SYT2: variants seen among roughly 807,000 people sequenced by gnomAD.
The protein encoded by SYT2 is synaptotagmin-2.
A neutral mutation model predicts 39.9 loss-of-function variants in SYT2; 15 were observed. The observed-to-expected ratio is 0.38, with a 90% CI of 0.25 to 0.58. SYT2 has a LOEUF of 0.58. SYT2 is among the 20% of genes least tolerant of loss of function. The probability of loss-of-function intolerance (pLI) is 0.70; values close to 1 mark genes in which losing one functional copy is unlikely to be tolerated. For missense variants in SYT2, 389 were observed against 530.3 expected, an observed-to-expected ratio of 0.73 and a Z score of 2.62; for synonymous variants, 181 against 204.5, an observed-to-expected ratio of 0.89 and a Z score of 0.98.
intron 1 of SYT2, among the ~76,000 whole-genome samples, chr1:202,679,792 A>G (rs954105327): frequency 8.5e-5 from 13 of 152,150 alleles, no homozygotes; most frequent in African/African-American, 3.1e-4. Context: ...CCAGCATTCA[A>G]GGCCCTTCAT....
intron 8 of SYT2, among the ~76,000 whole-genome samples, chr1:202,598,902 C>A (rs913918310): frequency 3.3e-5 from 5 of 152,210 alleles, no homozygotes; most frequent in Admixed American, 1.3e-4. Flanking sequence ...CACTCCCACC[C>A]TCTCAGCCAG....
intron 1 of SYT2, among the ~76,000 whole-genome samples, chr1:202,668,203 A>G (rs1402575529): frequency 6.6e-6 from 1 of 152,204 alleles, no homozygotes; most frequent in Non-Finnish European, 1.5e-5. Flanking sequence ...ACGTGGAGAC[A>G]TGGGCTCACA....
At position 202,635,719 on chromosome 1, in the gene SYT2, C is replaced by A. The variant is rs192488869; in HGVS notation, c.-17-29930G>T. Among the ~76,000 whole-genome samples, 12 of 152,302 alleles carry A rather than the reference C, an allele frequency of 7.9e-5. No homozygotes were observed. The East Asian group carries it at 2.3e-3, about 29-fold the overall frequency. ...GAAGTCTGTAGGACAGTGGGCATCA[C>A]TTGGTTGCTTGCTTGGGTATACACA... On this transcript the variant is annotated intron_variant, in intron 1 of 8. Transcript: ENST00000367268.
chr1:202,597,508 T>G (rs1391237696), intron 8 of SYT2, among the ~76,000 whole-genome samples: 13 of 152,056 alleles, frequency 8.5e-5, no homozygotes, highest in Non-Finnish European at 1.8e-4. Flanking sequence ...GAGAGTGCAT[T>G]TGGCATCTGA....
chr1:202,604,799 C>T (rs1453165222), intron 2 of SYT2, among the ~76,000 whole-genome samples, 178 bp from the exon 3 acceptor site: 1 of 145,654 alleles, frequency 6.9e-6, no homozygotes, highest in Non-Finnish European at 1.5e-5. Context: ...ACTTTGCATG[C>T]CTTTTCAATC....
chr1:202,709,407 G>A (rs1654335865), intron 1 of SYT2, among the ~76,000 whole-genome samples: 1 of 152,246 alleles, frequency 6.6e-6, no homozygotes, highest in Non-Finnish European at 1.5e-5. Context: ...AGTGGGATGT[G>A]AAACGATAAA....
At chr1:202,672,644 G>C (rs1458536593) in intron 1 of SYT2, among the ~76,000 whole-genome samples, 2 of 146,490 alleles carry the variant, frequency 1.4e-5, no homozygotes. Context: ...TAATGAACTG[G>C]AAAGCAGATC....
intron 1 of SYT2, among the ~76,000 whole-genome samples, chr1:202,654,801 A>G (rs1407073708): frequency 6.6e-6 from 1 of 152,200 alleles, no homozygotes; most frequent in Non-Finnish European, 1.5e-5. Context: ...CTGGGCCAAA[A>G]TTAACTAGGC....
At position 202,596,874 on chromosome 1, in the gene SYT2, C is replaced by T. The variant is rs763683640; in HGVS notation, c.1143G>A (p.Thr381=). The T allele has an allele frequency of 8.7e-6, 14 of 1,614,102 alleles. No individual in the cohort carries two copies. The highest frequency in any genetic ancestry group is 2.2e-5 in the East Asian group (1 of 44,894). The change falls in exon 9 of 9, where the codon ACG becomes ACA. Residue 381 remains threonine (T), a synonymous_variant. Coordinates refer to ENST00000367268, the MANE Select transcript of SYT2 (RefSeq NM_177402.5). Reference sequence around the variant, plus strand: ...CGGACCAGTGCCGCAGCTCTGTGCCCGTGGCATTGCTGCCCACGAAGATCT... The same window carrying T: ...CGGACCAGTGCCGCAGCTCTGTGCCTGTGGCATTGCTGCCCACGAAGATCT... ...IGKIFVGSNA[T]GTELRHWSDM... is the part of the protein sequence containing the mutation.
At chr1:202,651,357 G>A (rs1045739265) in intron 1 of SYT2, among the ~76,000 whole-genome samples, 2 of 152,068 alleles carry the variant, frequency 1.3e-5, no homozygotes, top group Non-Finnish European at 2.9e-5. Context: ...AGGACGCACA[G>A]GGGTGGGTGG....
chr1:202,622,423 CTG>C (rs1418728460), intron 1 of SYT2, among the ~76,000 whole-genome samples: 1 of 152,216 alleles, frequency 6.6e-6, no homozygotes, highest in Non-Finnish European at 1.5e-5. Flanking sequence ...GAAGCAGAGT[CTG>C]TTCTTGACTG....
chr1:202,689,575 G>A (rs915160564), intron 1 of SYT2, among the ~76,000 whole-genome samples: 5 of 152,114 alleles, frequency 3.3e-5, no homozygotes, highest in African/African-American at 1.2e-4. Flanking sequence ...CCTCAGGCAA[G>A]TCATTTAATC....
intron 1 of SYT2, among the ~76,000 whole-genome samples, chr1:202,612,096 C>T (rs554858193): frequency 6.6e-6 from 1 of 152,170 alleles, no homozygotes; most frequent in Non-Finnish European, 1.5e-5. Context: ...AAGGGGTTCA[C>T]ATTCATTCGT....
In SYT2 at chr1:202,637,276, C is replaced by T. The variant is rs553397373; in HGVS notation, c.-17-31487G>A. Among the ~76,000 whole-genome samples, 29 of 150,314 alleles carry T rather than the reference C, an allele frequency of 1.9e-4. No individual in the cohort carries two copies. The South Asian group carries it at 5.1e-3, about 27-fold the overall frequency. Reference sequence around the variant, plus strand: ...TGAGGTGGGAGGATCACCTGAGCCTCGGGAAGTTGAGGCTGCAGTGAGCCG... The same window carrying T: ...TGAGGTGGGAGGATCACCTGAGCCTTGGGAAGTTGAGGCTGCAGTGAGCCG... On this transcript the variant is annotated intron_variant, in intron 1 of 8. Coordinates refer to ENST00000367268, the MANE Select transcript of SYT2 (RefSeq NM_177402.5).
chr1:202,675,332 G>A (rs1653338453), intron 1 of SYT2, among the ~76,000 whole-genome samples: 1 of 150,728 alleles, frequency 6.6e-6, no homozygotes, highest in Non-Finnish European at 1.5e-5. Context: ...TTACAGTCTT[G>A]TGGGAGAGAC....
At chr1:202,615,120 G>C (rs2149079033) in intron 1 of SYT2, among the ~76,000 whole-genome samples, 1 of 152,290 alleles carries the variant, frequency 6.6e-6, no homozygotes, top group African/African-American at 2.4e-5. Flanking sequence ...GGCATTCCCG[G>C]GGAATCCACC....
At chr1:202,651,257 G>C (rs1258875354) in intron 1 of SYT2, among the ~76,000 whole-genome samples, 2 of 152,114 alleles carry the variant, frequency 1.3e-5, no homozygotes, top group Non-Finnish European at 2.9e-5. Context: ...GCTAATTGGG[G>C]GTCGGGGTGA....
At chr1:202,650,470 C>G (rs10920439) in intron 1 of SYT2, among the ~76,000 whole-genome samples, 52,833 of 147,532 alleles carry the variant, frequency 0.36, 11,235 homozygotes, top group East Asian at 0.72. Flanking sequence ...TAGTTTCGCT[C>G]TGTCACCCAG....
chr1:202,668,404 CA>C (rs531497893), intron 1 of SYT2, among the ~76,000 whole-genome samples: 17 of 152,044 alleles, frequency 1.1e-4, no homozygotes, highest in Non-Finnish European at 2.4e-4. Context: ...CAAATAAATG[CA>C]AAAATATAAT....
Sources: allele counts gnomAD v4.1 joint callset (sites outside exome capture counted in the v4.1 genomes callset), GRCh38; gene constraint gnomAD v4.1.1; transcripts MANE v1.5; gene names NCBI Gene and HGNC (gene_info 2026-07-23, HGNC 2026-07-21).